The following OTOA variants were observed in gnomAD, a reference collection of about 807,000 sequenced individuals.
OTOA encodes the protein cancer/testis antigen 108.
A neutral mutation model predicts 110.8 loss-of-function variants in OTOA; 70 were observed. The observed-to-expected ratio is 0.63, with a 90% confidence interval of 0.52 to 0.77. The LOEUF (loss-of-function observed/expected upper bound fraction) is 0.77, where lower values mean the gene tolerates loss of function less well. OTOA is among the 30% of genes least tolerant of loss of function. OTOA has a pLI of 0.00. For missense variants in OTOA, 917 were observed against 1,075.8 expected, an observed-to-expected ratio of 0.85 and a Z score of 2.06; for synonymous variants, 373 against 431.5, an observed-to-expected ratio of 0.86 and a Z score of 1.68.
chr16:21,723,986 CT>C (rs1876396427), intron 18 of OTOA, among the ~76,000 whole-genome samples: 1 of 152,154 alleles, frequency 6.6e-6, no homozygotes, highest in African/African-American at 2.4e-5. Context: ...TGACTTCAAT[CT>C]GTATTGCACC....
chr16:21,703,347 T>C (rs1898090349), intron 11 of OTOA, among the ~76,000 whole-genome samples: 1 of 152,170 alleles, frequency 6.6e-6, no homozygotes, highest in Non-Finnish European at 1.5e-5. Context: ...TTTTTCAGAT[T>C]CATAATATAA....
intron 21 of OTOA, among the ~76,000 whole-genome samples, chr16:21,731,346 T>C (rs1899110777): frequency 1.3e-5 from 2 of 152,234 alleles, no homozygotes; most frequent in Non-Finnish European, 2.9e-5. Context: ...CATTTGGGCA[T>C]GACGCTTTTC....
intron 28 of OTOA, among the ~76,000 whole-genome samples, chr16:21,759,833 G>C (rs912500005): frequency 3.3e-5 from 5 of 151,986 alleles, no homozygotes; most frequent in Non-Finnish European, 7.4e-5. Flanking sequence ...CTGGGAGACA[G>C]AGGCTACAGT....
At position 21,678,469 on chromosome 16, in the gene OTOA, T is replaced by TA. The variant is rs201586930; in HGVS notation, c.-4-42_-4-41insA. 9.1e-4 allele frequency: 901 copies of TA among 986,786 alleles called. 3 individuals carry two copies. Among genetic ancestry groups the TA allele is most frequent in the Middle Eastern group, 1.2e-3 (4 of 3,370 alleles). The allele number at this position is 986,786 out of a possible 1,614,324, so 61.1% of individuals were successfully genotyped here. Reference sequence around the variant, plus strand: ...GTGTGTGTGTGTATATATATATATATTAAAAAAACATGAATCACTTCTATG... The same window carrying TA: ...GTGTGTGTGTGTATATATATATATATATAAAAAAACATGAATCACTTCTATG... On this transcript the variant is annotated intron_variant, in intron 1 of 28. Coordinates refer to ENST00000646100, the MANE Select transcript of OTOA (RefSeq NM_144672.4).
At position 21,714,332 on chromosome 16, in the gene OTOA, C is replaced by CCTTCCTTCCTTT. The variant is rs1555499743; in HGVS notation, c.1321-650_1321-649insCCTTCCTTTCTT. ...TCCTTCCTTCCTTCCTTCCTTCCTT[C>CCTTCCTTCCTTT]CTTTCTTTCTTTCTTTCTTTCCTTC... On this transcript the variant is annotated intron_variant, in intron 13 of 28. Transcript: ENST00000646100. 1.6e-3 allele frequency among the ~76,000 whole-genome samples: 200 copies of CCTTCCTTCCTTT among 127,720 alleles called. 1 individual carries two copies. The highest frequency in any genetic ancestry group is 5.3e-3 in the African/African-American group (189 of 35,814). The allele number at this position is 127,720 out of a possible 152,430, so 83.8% of individuals were successfully genotyped here.
intron 9 of OTOA, among the ~76,000 whole-genome samples, chr16:21,694,259 A>G (rs1897888655): frequency 6.6e-6 from 1 of 152,084 alleles, no homozygotes; most frequent in Non-Finnish European, 1.5e-5. Flanking sequence ...TGGGCAACAT[A>G]GCAAGACCCC....
intron 11 of OTOA, among the ~76,000 whole-genome samples, chr16:21,701,553 G>T (rs1389497828): frequency 6.6e-6 from 1 of 152,152 alleles, no homozygotes; most frequent in African/African-American, 2.4e-5. Flanking sequence ...TTCCAGGGGT[G>T]TCAGGAAGGG....
Position 21,685,241 on chromosome 16 carries a change from A to G in OTOA, c.279A>G (p.Glu93=). 6.2e-7 allele frequency: 1 copy of G among 1,612,374 alleles called. No homozygotes were observed. The change falls in exon 7 of 29, where the codon GAA becomes GAG. Residue 93 remains glutamate (E), a synonymous_variant. Transcript: ENST00000646100. ...CACCCCAAATACAGGCAGCCGTGGA[A>G]AACCACCTGGAGCAGCGTCTGCACC... ...FTIPSLQAAV[E]NHLEQRLHQP...
intron 13 of OTOA, among the ~76,000 whole-genome samples, chr16:21,714,301 C>CT (rs1898457137): frequency 2.1e-4 from 3 of 14,042 alleles, no homozygotes; most frequent in Non-Finnish European, 3.1e-4. Flanking sequence ...CTTTTCCTTT[C>CT]TTCCTTCCTT....
In OTOA at chr16:21,725,727, G is replaced by A. The variant is rs12448842; in HGVS notation, c.1881-796G>A. Among the ~76,000 whole-genome samples the A allele has an allele frequency of 7.4e-3, 1,134 of 152,314 alleles. 11 individuals carry two copies. Among genetic ancestry groups the A allele is most frequent in the Non-Finnish European group, 0.012 (796 of 68,022 alleles). On this transcript the variant is annotated intron_variant, in intron 18 of 28. Transcript: ENST00000646100. ...TATCTGGTTTTGGAACAGTGAAGTG[G>A]TGGGGTTGAGTAGGCCGGATGGGTT...
intron 9 of OTOA, among the ~76,000 whole-genome samples, chr16:21,694,824 A>G (rs1300854660): frequency 6.6e-6 from 1 of 152,182 alleles, no homozygotes; most frequent in East Asian, 1.9e-4. Context: ...ATCATAATCA[A>G]AGTCTCAAAT....
At chr16:21,716,770 G>A (rs1898566931) in intron 14 of OTOA, 137 bp from the exon 15 acceptor site, 2 of 964,392 alleles carry the variant, frequency 2.1e-6, no homozygotes, top group South Asian at 2.8e-5. Flanking sequence ...GTGAAATGGG[G>A]ATGATGCTAC....
At chr16:21,675,072 T>TCTTA (rs1966854717) in intron 1 of OTOA, among the ~76,000 whole-genome samples, 2 of 61,146 alleles carry the variant, frequency 3.3e-5, no homozygotes, top group African/African-American at 2.2e-4. Flanking sequence ...TGTCTTTCTT[T>TCTTA]CTTTCTTTCT....
intron 8 of OTOA, among the ~76,000 whole-genome samples, chr16:21,688,083 C>A (rs1897756221): frequency 6.6e-6 from 1 of 152,006 alleles, no homozygotes; most frequent in African/African-American, 2.4e-5. Context: ...CGTTTTGGAG[C>A]AAAAGCTTAA....
intron 18 of OTOA, among the ~76,000 whole-genome samples, chr16:21,725,644 A>G (rs1315322676): frequency 6.6e-6 from 1 of 152,092 alleles, no homozygotes; most frequent in African/African-American, 2.4e-5. Context: ...TGGGATAAAG[A>G]AAAAAAGGAG....
chr16:21,730,757 G>C (rs1304533433), intron 20 of OTOA, 80 bp from the exon 21 acceptor site: 5 of 956,934 alleles, frequency 5.2e-6, no homozygotes, highest in Non-Finnish European at 8.3e-6. Flanking sequence ...ATTCCTGAAA[G>C]AAAAGGGTGC....
chr16:21,695,897 T>A (rs1364223765), intron 9 of OTOA, among the ~76,000 whole-genome samples: 102 of 94,196 alleles, frequency 1.1e-3, no homozygotes, highest in Non-Finnish European at 1.5e-3. Flanking sequence ...ATATATTTTT[T>A]TTTTTTTTTT....
Position 21,687,535 on chromosome 16 carries a change from G to A in OTOA, c.522G>A (p.Leu174=). ...LERCFQMLNS[L]ECVEILGKVL... is the part of the protein sequence containing the mutation. ...GGTGTTTCCAGATGCTGAACTCCCT[G>A]GAGTGTGTGGAGATCCTGGGCAAGG... Residue 174 remains leucine, a synonymous_variant, in exon 8 of 29, where the codon CTG becomes CTA. Coordinates refer to ENST00000646100, the MANE Select transcript of OTOA (RefSeq NM_144672.4). 1 of 1,614,156 alleles carries A rather than the reference G, an allele frequency of 6.2e-7. No homozygotes were observed. The highest frequency in any genetic ancestry group is 1.1e-5 in the South Asian group (1 of 91,080).
rs547481772 is a variant in OTOA at position 21,708,181 on chromosome 16, T to C, written c.1105-1707T>C. Among the ~76,000 whole-genome samples, 14 of 152,262 alleles carry C rather than the reference T, an allele frequency of 9.2e-5. No homozygotes were observed. The East Asian group carries it at 2.7e-3, about 29-fold the overall frequency. ...GTGAAATCAGTGGGAGCTCTGAGCTTGTTTTCCTGCAACTAGACGGTCCCA... is the reference window on the plus strand; with the variant it reads ...GTGAAATCAGTGGGAGCTCTGAGCTCGTTTTCCTGCAACTAGACGGTCCCA... On this transcript the variant is annotated intron_variant, in intron 12 of 28. Coordinates refer to ENST00000646100, the MANE Select transcript of OTOA (RefSeq NM_144672.4).
Sources: gnomAD v4.1 joint callset for allele counts (sites outside exome capture counted in the v4.1 genomes callset) on GRCh38, gnomAD v4.1.1 for gene constraint, MANE v1.5 for transcripts, NCBI Gene and HGNC (gene_info 2026-07-23, HGNC 2026-07-21) for gene names.